DIDO1: variants seen among roughly 807,000 people sequenced by gnomAD.
The protein encoded by DIDO1 is death inducer-obliterator 1.
A neutral mutation model predicts 99.4 loss-of-function variants in DIDO1; 16 were observed. The ratio of observed to expected loss-of-function variants is 0.16; its 90% confidence interval spans 0.11 to 0.24. The LOEUF (loss-of-function observed/expected upper bound fraction) is 0.24, where lower values mean the gene tolerates loss of function less well. Ranked by LOEUF, DIDO1 falls within the 10% of genes least tolerant of loss-of-function variation. DIDO1 has a pLI of 1.00. For missense variants in DIDO1, 2,996 were observed against 3,014.0 expected (o/e 0.99, Z 0.14); for synonymous variants, 1,366 against 1,239.1 (o/e 1.10, Z -2.15).
At chr20:62,888,148 A>T in intron 15 of DIDO1, 1 of 985,504 alleles carries the variant, frequency 1.0e-6, no homozygotes, top group Non-Finnish European at 1.2e-6. Flanking sequence ...CACTTGCTTA[A>T]GTGTGAACAG....
chr20:62,888,336 G>A, intron 15 of DIDO1: 1 of 985,522 alleles, frequency 1.0e-6, no homozygotes, highest in Non-Finnish European at 1.2e-6. Flanking sequence ...ACATCCCCAG[G>A]GGAAGATGCT....
At chr20:62,887,884 A>T (rs1300870562) in intron 15 of DIDO1, 2 of 985,406 alleles carry the variant, frequency 2.0e-6, no homozygotes, top group Non-Finnish European at 2.4e-6. Context: ...CCCCACCGTG[A>T]TGCTGAGTTA....
At position 62,879,186 on chromosome 20, in the gene DIDO1, A is replaced by C; in HGVS notation, c.*47T>G. 7.0e-7 allele frequency: 1 copy of C among 1,426,616 alleles called. No homozygotes were observed. Among genetic ancestry groups the C allele is most frequent in the Non-Finnish European group, 9.2e-7 (1 of 1,092,422 alleles). 88.4% of individuals were successfully genotyped at this position (1,426,616 alleles called of 1,614,324 possible). On this transcript the variant is annotated 3_prime_UTR_variant, in exon 16 of 16. Transcript: ENST00000395343. The surrounding 1 kb of genome is among the most constrained non-coding windows in gnomAD (Gnocchi z 6.3). The stretch of plus-strand genomic sequence containing the variant: ...ATTTCAAAAGCTATTTGTTCAACGC[A>C]TCTTACGAACGTGGCTTTAAAAAGG...
chr20:62,900,478 C>T (rs1403324979), intron 6 of DIDO1, among the ~76,000 whole-genome samples: 1 of 152,216 alleles, frequency 6.6e-6, no homozygotes, highest in Non-Finnish European at 1.5e-5. Flanking sequence ...ATCAGGCCCC[C>T]ACTGGAGGAT....
intron 15 of DIDO1, chr20:62,888,133 G>A: frequency 1.0e-6 from 1 of 985,486 alleles, no homozygotes; most frequent in Non-Finnish European, 1.2e-6. Context: ...GCACCTTCAG[G>A]CCTTCACTTG....
rs184368726 is a variant in DIDO1 at position 62,895,027 on chromosome 20, G to A, written c.2331+22C>T. The A allele has an allele frequency of 1.2e-4, 190 of 1,599,200 alleles. No individual in the cohort carries two copies. In the African/African-American group the frequency reaches 1.3e-3, roughly 11 times the overall value. ...TTAAGCTCGAGTCCTGGGTGCCTCC[G>A]CAGGTACCCCTCAGCACTCACAGAT... On this transcript the variant is annotated intron_variant, in intron 9 of 15. Transcript: ENST00000395343.
rs1434013927 is a variant in DIDO1 at position 62,890,994 on chromosome 20, A to T, written c.3507T>A (p.Pro1169=). The change falls in exon 15 of 16, where the codon CCT becomes CCA. Residue 1169 remains proline, a synonymous_variant. Transcript: ENST00000395343. ...CAAAGGGCAAGAGTTTGGATGGAAC[A>T]GGGTCCTGGGCGCTCAGCGGGATCA... is the stretch of plus-strand genomic sequence containing the variant. ...LYLIPLSAQD[P]VPSKLLPFEG... 1.3e-5 allele frequency: 21 copies of T among 1,614,164 alleles called. 1 individual carries two copies. The South Asian group carries it at 2.3e-4, about 18-fold the overall frequency.
Position 62,879,525 on chromosome 20 carries a change from CTGGAGTCCTTGTCCCGGT to C in DIDO1, c.6413_6430del (p.His2138_Ser2144delinsArg), listed in dbSNP as rs1568818437. ...CTCCCGGTTTCTGTCCCAGTCCCGGCTGGAGTCCTTGTCCCGGTGTCGGTCCCACTCCCGGGGCCGGTC... is the reference window on the plus strand; with the variant it reads ...CTCCCGGTTTCTGTCCCAGTCCCGGCGTCGGTCCCACTCCCGGGGCCGGTC... On this transcript the variant is annotated inframe_deletion, in exon 16 of 16. Transcript: ENST00000395343. The surrounding 1 kb of genome is among the most constrained non-coding windows in gnomAD (Gnocchi z 6.3). 6.3e-7 allele frequency: 1 copy of C among 1,599,728 alleles called. No homozygotes were observed. Among genetic ancestry groups the C allele is most frequent in the Non-Finnish European group, 8.5e-7 (1 of 1,179,186 alleles).
intron 1 of DIDO1, among the ~76,000 whole-genome samples, chr20:62,933,913 T>C (rs1042540453): frequency 6.6e-6 from 1 of 152,180 alleles, no homozygotes; most frequent in African/African-American, 2.4e-5. Context: ...GCACTCCTCT[T>C]TCTGTTCATC....
At chr20:62,914,630 G>C (rs2065006907) in intron 1 of DIDO1, among the ~76,000 whole-genome samples, 1 of 152,160 alleles carries the variant, frequency 6.6e-6, no homozygotes, top group Admixed American at 6.5e-5. Flanking sequence ...GGCCGGGGCA[G>C]CGCAGGAAGG....
chr20:62,910,171 T>G, intron 3 of DIDO1, 151 bp from the exon 4 acceptor site: 2 of 959,900 alleles, frequency 2.1e-6, no homozygotes, highest in South Asian at 3.6e-5. Context: ...TTCCTTTGAT[T>G]TTAACATTCA....
chr20:62,884,844 C>T (rs2064272575), intron 15 of DIDO1, among the ~76,000 whole-genome samples: 1 of 152,136 alleles, frequency 6.6e-6, no homozygotes, highest in South Asian at 2.1e-4. Context: ...TAGCACGGTG[C>T]CAGTGAAAGG....
Position 62,881,339 on chromosome 20 carries a change from C to A in DIDO1, c.4617G>T (p.Gln1539His), listed in dbSNP as rs138500574. Residue 1539 changes from glutamine to histidine, a missense_variant, in exon 16 of 16, where the codon CAG becomes CAT. By Grantham distance (24) the Gln-to-His change is conservative (BLOSUM62 0). Around this residue, in one of 5 missense-constraint regions of DIDO1, gnomAD observed 1,562 missense variants for 1,412.6 expected, o/e 1.11. Coordinates refer to ENST00000395343, the MANE Select transcript of DIDO1 (RefSeq NM_001193369.2). This position sits in a 1 kb window ranked among gnomAD's most constrained non-coding sequence, Gnocchi z 8.3. The stretch of plus-strand genomic sequence containing the variant: ...GTGAGGCGGGCTTGTCTGCAGACTG[C>A]TGCTCTTGCTGGAACAGCTCTGCCT... The part of the protein sequence containing the change: ...LPKAELFQQE[Q>H]QSADKPASLP... 279 of 1,605,022 alleles carry A rather than the reference C, an allele frequency of 1.7e-4. 1 individual carries two copies. The African/African-American group carries it at 2.6e-3, about 15-fold the overall frequency.
At chr20:62,937,832 GTTCCAGAT>G in exon 1 of DIDO1, 1 of 398,362 alleles carries the variant, frequency 2.5e-6, no homozygotes, top group Non-Finnish European at 4.4e-6. Context: ...CGCCATCCCG[GTTCCAGAT>G]TTCCGCGCTC....
At position 62,887,881 on chromosome 20, in the gene DIDO1, G is replaced by A. The variant is rs1488433479; in HGVS notation, c.3541+3079C>T. On this transcript the variant is annotated intron_variant, in intron 15 of 15. Coordinates refer to ENST00000395343, the MANE Select transcript of DIDO1 (RefSeq NM_001193369.2). Reference sequence around the variant, plus strand: ...CCAGGCCTCCCAGCTGCCCCCCACCGTGATGCTGAGTTACAGAGAGTGCCC... The same window carrying A: ...CCAGGCCTCCCAGCTGCCCCCCACCATGATGCTGAGTTACAGAGAGTGCCC... The A allele has an allele frequency of 1.3e-5, 13 of 985,506 alleles. No homozygotes were observed. In the East Asian group the frequency reaches 9.1e-4, roughly 69 times the overall value. 61.0% of individuals were successfully genotyped at this position (985,506 alleles called of 1,614,324 possible). A position where few individuals can be genotyped will look rare whatever the true frequency, so the allele number is the denominator to read the frequency against.
At chr20:62,914,065 G>A (rs1044756862) in intron 2 of DIDO1, 145 bp downstream of exon 2, 2 of 152,208 alleles carry the variant, frequency 1.3e-5, no homozygotes, top group Admixed American at 1.3e-4. Flanking sequence ...TATAGAGACT[G>A]CTGATACAAA....
At chr20:62,901,838 A>C (rs1045684020) in intron 6 of DIDO1, among the ~76,000 whole-genome samples, 6 of 150,396 alleles carry the variant, frequency 4.0e-5, no homozygotes, top group African/African-American at 1.5e-4. Context: ...AAAAAAACCT[A>C]GTATTATTTT....
At position 62,879,158 on chromosome 20, in the gene DIDO1, G is replaced by A; in HGVS notation, c.*75C>T. ...ATTCTATCCTGAATCTAAGATCGTGGCTATTTCAAAAGCTATTTGTTCAAC... is the reference window on the plus strand; with the variant it reads ...ATTCTATCCTGAATCTAAGATCGTGACTATTTCAAAAGCTATTTGTTCAAC... On this transcript the variant is annotated 3_prime_UTR_variant, in exon 16 of 16. Transcript: ENST00000395343. This position sits in a 1 kb window ranked among gnomAD's most constrained non-coding sequence, Gnocchi z 6.3. The A allele has an allele frequency of 7.7e-7, 1 of 1,303,870 alleles. No homozygotes were observed. Among genetic ancestry groups the A allele is most frequent in the African/African-American group, 1.5e-5 (1 of 65,538 alleles). The allele number at this position is 1,303,870 out of a possible 1,614,324, so 80.8% of individuals were successfully genotyped here.
intron 1 of DIDO1, among the ~76,000 whole-genome samples, chr20:62,918,995 G>C (rs754334371): frequency 6.6e-6 from 1 of 152,074 alleles, no homozygotes; most frequent in Non-Finnish European, 1.5e-5. Flanking sequence ...CCCCAAATGC[G>C]ACGTGTTCTC....
Sources: gnomAD v4.1 joint callset for allele counts (sites outside exome capture counted in the v4.1 genomes callset) on GRCh38, gnomAD v4.1.1 for gene constraint, gnomAD v4.1.1 regional missense constraint, Gnocchi (gnomAD v3.1) non-coding constraint, MANE v1.5 for transcripts, NCBI Gene and HGNC (gene_info 2026-07-23, HGNC 2026-07-21) for gene names.